DAPK2: variants seen among roughly 807,000 people sequenced by gnomAD.
DAPK2 encodes death associated protein kinase 2.
Under a neutral mutation model 44.1 loss-of-function variants are expected in DAPK2, and 35 were observed. The observed-to-expected ratio is 0.79, with a 90% confidence interval of 0.61 to 1.05. The LOEUF is 1.05. DAPK2 is among the 50% of genes least tolerant of loss of function. The pLI is 0.00. For synonymous variants in DAPK2, 174 were observed against 182.6 expected (o/e 0.95, Z 0.38); for missense variants, 453 against 483.2 (o/e 0.94, Z 0.59).
At chr15:63,981,160 C>T (rs1241262603) in intron 2 of DAPK2, among the ~76,000 whole-genome samples, 1 of 150,956 alleles carries the variant, frequency 6.6e-6, no homozygotes, top group Non-Finnish European at 1.5e-5. Context: ...TCCATTCATG[C>T]ATTAGTGGAT....
intron 3 of DAPK2, among the ~76,000 whole-genome samples, chr15:63,948,219 G>A (rs569033769): frequency 3.3e-4 from 42 of 126,628 alleles, no homozygotes; most frequent in African/African-American, 1.1e-3. Context: ...TGCAGTGAGC[G>A]GAGATCACAC....
chr15:63,995,764 TG>T (rs1331628303), intron 1 of DAPK2, among the ~76,000 whole-genome samples: 1 of 152,206 alleles, frequency 6.6e-6, no homozygotes, highest in Non-Finnish European at 1.5e-5. Flanking sequence ...GGCATGGCAT[TG>T]GAGGGTGAGC....
intron 1 of DAPK2, among the ~76,000 whole-genome samples, chr15:63,989,666 T>C (rs1381044684): frequency 6.6e-6 from 1 of 152,126 alleles, no homozygotes; most frequent in Non-Finnish European, 1.5e-5. Context: ...TATACATACA[T>C]ACACACACAT....
In DAPK2 at chr15:63,927,215, G is replaced by A. The variant is rs74019101; in HGVS notation, c.660-1122C>T. Among the ~76,000 whole-genome samples the A allele has an allele frequency of 4.5e-3, 684 of 152,264 alleles. 3 individuals carry two copies. The highest frequency in any genetic ancestry group is 0.016 in the African/African-American group (657 of 41,544). ...TAATGGCCATTATTATTGTCATTGT[G>A]AGAACACAAAAGCCCTCTATGACTT... On this transcript the variant is annotated intron_variant, in intron 6 of 10. Transcript: ENST00000261891.
intron 1 of DAPK2, among the ~76,000 whole-genome samples, chr15:64,002,916 CTGTGTGTGTGTGTG>C (rs3056849): frequency 0.048 from 4,166 of 86,058 alleles, 163 homozygotes; most frequent in African/African-American, 0.13. Flanking sequence ...GACTGAGACA[CTGTGTGTGTGTGTG>C]TGTGTGTGTG....
intron 1 of DAPK2, among the ~76,000 whole-genome samples, chr15:63,991,778 T>C (rs2078826319): frequency 6.6e-6 from 1 of 152,178 alleles, no homozygotes; most frequent in Non-Finnish European, 1.5e-5. Flanking sequence ...AGTATTATTA[T>C]CTAGTCTTTT....
chr15:63,934,170 G>A (rs923362582), intron 4 of DAPK2, among the ~76,000 whole-genome samples: 20 of 148,466 alleles, frequency 1.3e-4, no homozygotes, highest in African/African-American at 4.7e-4. Flanking sequence ...GATGCTCCTC[G>A]AACAACCTAA....
intron 1 of DAPK2, among the ~76,000 whole-genome samples, chr15:64,009,455 C>T (rs979625183): frequency 1.2e-4 from 18 of 152,050 alleles, no homozygotes; most frequent in Non-Finnish European, 2.4e-4. Flanking sequence ...TTGGCCAGGC[C>T]CCAGGGGCCT....
intron 1 of DAPK2, among the ~76,000 whole-genome samples, chr15:64,023,635 G>A (rs1318085741): frequency 6.6e-6 from 1 of 152,084 alleles, no homozygotes; most frequent in Non-Finnish European, 1.5e-5. Context: ...CTCAAACTGG[G>A]GCATATAAAA....
chr15:63,987,618 G>C (rs748109212), intron 1 of DAPK2, among the ~76,000 whole-genome samples: 1 of 152,160 alleles, frequency 6.6e-6, no homozygotes, highest in East Asian at 1.9e-4. Flanking sequence ...AAGTTTCATG[G>C]GCTTGACAGG....
chr15:63,944,157 AAGGATGAAGCCTGG>A (rs1219404041), intron 3 of DAPK2, among the ~76,000 whole-genome samples: 1 of 152,078 alleles, frequency 6.6e-6, no homozygotes, highest in Non-Finnish European at 1.5e-5. Context: ...GTCTGGATAA[AAGGATGAAGCCTGG>A]GGGTTTCAGG....
At chr15:63,996,916 C>G (rs543565231) in intron 1 of DAPK2, among the ~76,000 whole-genome samples, 1 of 152,324 alleles carries the variant, frequency 6.6e-6, no homozygotes, top group Non-Finnish European at 1.5e-5. Flanking sequence ...GGCCTATTCC[C>G]TCATCCCCAC....
At chr15:63,977,546 G>C (rs886791881) in intron 2 of DAPK2, among the ~76,000 whole-genome samples, 4 of 152,018 alleles carry the variant, frequency 2.6e-5, no homozygotes, top group Non-Finnish European at 5.9e-5. Flanking sequence ...TACCAGCTTT[G>C]GATGTGAGGG....
chr15:64,003,480 C>A (rs1002411283), intron 1 of DAPK2, among the ~76,000 whole-genome samples: 1 of 152,242 alleles, frequency 6.6e-6, no homozygotes, highest in African/African-American at 2.4e-5. Flanking sequence ...CAGGATTCGC[C>A]TACTTCTTTG....
At position 63,941,665 on chromosome 15, in the gene DAPK2, C is replaced by CT. The variant is rs1360959940; in HGVS notation, c.454-2305_454-2304insA. The stretch of plus-strand genomic sequence containing the variant: ...AAAATAAATAACACATTTCCTTTTG[C>CT]ATTTTTTTTGCTTTTTTATTCTTCT... On this transcript the variant is annotated intron_variant, in intron 3 of 10. Transcript: ENST00000261891. 4.4e-5 allele frequency among the ~76,000 whole-genome samples: 5 copies of CT among 112,928 alleles called. No individual in the cohort carries two copies. The East Asian group carries it at 4.9e-3, about 111-fold the overall frequency. 74.1% of individuals were successfully genotyped at this position (112,928 alleles called of 152,430 possible). A position where few individuals can be genotyped will look rare whatever the true frequency, so the allele number is the denominator to read the frequency against.
intron 3 of DAPK2, among the ~76,000 whole-genome samples, chr15:63,963,096 C>T (rs1595809430): frequency 6.6e-6 from 1 of 152,258 alleles, no homozygotes; most frequent in East Asian, 1.9e-4. Context: ...AATTGAATCT[C>T]AGACTGCTGT....
intron 1 of DAPK2, among the ~76,000 whole-genome samples, chr15:64,023,216 C>T (rs997988257): frequency 6.6e-6 from 1 of 152,180 alleles, no homozygotes; most frequent in African/African-American, 2.4e-5. Context: ...ACAGAACAGG[C>T]TCGCCCAACC....
chr15:63,965,727 C>A (rs574258400), intron 3 of DAPK2, among the ~76,000 whole-genome samples: 1 of 152,220 alleles, frequency 6.6e-6, no homozygotes, highest in Admixed American at 6.5e-5. Flanking sequence ...CCCCCCATGG[C>A]CCCCACTGCC....
chr15:64,031,237 T>C (rs1309924245), intron 1 of DAPK2, among the ~76,000 whole-genome samples: 2 of 133,374 alleles, frequency 1.5e-5, no homozygotes, highest in South Asian at 5.4e-4. Flanking sequence ...GCAGATTTTC[T>C]TTTTTTTTTT....
Sources: gnomAD v4.1 joint callset for allele counts (sites outside exome capture counted in the v4.1 genomes callset) on GRCh38, gnomAD v4.1.1 for gene constraint, MANE v1.5 for transcripts, NCBI Gene and HGNC (gene_info 2026-07-23, HGNC 2026-07-21) for gene names.